BRD8: variants seen among roughly 807,000 people sequenced by gnomAD.
The protein encoded by BRD8 is bromodomain-containing protein 8.
In BRD8, 67 loss-of-function variants were observed where a neutral mutation model predicts 143.1. That is an observed-to-expected ratio of 0.47 (90% CI 0.38 to 0.57). The LOEUF (loss-of-function observed/expected upper bound fraction) is 0.57. Among genes scored for constraint, BRD8 ranks in the 20% least tolerant of loss-of-function variants. The pLI is 0.00. For synonymous variants in BRD8, 505 were observed against 517.1 expected, an observed-to-expected ratio of 0.98 and a Z score of 0.32; for missense variants, 1,103 against 1,503.0, an observed-to-expected ratio of 0.73 and a Z score of 4.40.
Position 138,178,606 on chromosome 5 carries a change from C to T in BRD8, c.9G>A (p.Thr3=). Residue 3 remains threonine (T), a synonymous_variant, in exon 1 of 27, where the codon ACG becomes ACA. Coordinates refer to ENST00000254900, the MANE Select transcript of BRD8 (RefSeq NM_139199.2). MA[T]GTGKHKLLST... is the part of the protein sequence containing the mutation. ...TGCTCAGATACTCACTGCCCGTTCC[C>T]GTCGCCATCTTGGCCCCGAAGTCTC... The T allele has an allele frequency of 6.2e-7, 1 of 1,613,874 alleles. No individual in the cohort carries two copies. Among genetic ancestry groups the T allele is most frequent in the Non-Finnish European group, 8.5e-7 (1 of 1,179,830 alleles).
chr5:138,168,038 T>C lies in BRD8; in HGVS notation c.683A>G (p.Asn228Ser). 7 of 1,613,552 alleles carry C rather than the reference T, an allele frequency of 4.3e-6. No homozygotes were observed. The highest frequency in any genetic ancestry group is 5.9e-6 in the Non-Finnish European group (7 of 1,179,602). Residue 228 changes from asparagine (N) to serine (S), a missense_variant, in exon 9 of 27, where the codon AAC (asparagine) becomes AGC (serine). This residue lies in a region of BRD8 where 334 missense variants were observed against 372.5 expected (regional missense o/e 0.90). Transcript: ENST00000254900. ...SEMAVASGHLNSTGVLLEVGG... is the reference protein window; with the variant it reads ...SEMAVASGHLSSTGVLLEVGG... ...TACCTCCAGGAGGACACCTGTACTGTTCAGGTGGCCAGAAGCCACAGCCAT... is the reference window on the plus strand; with the variant it reads ...TACCTCCAGGAGGACACCTGTACTGCTCAGGTGGCCAGAAGCCACAGCCAT...
Position 138,139,888 on chromosome 5 carries a change from C to A in BRD8, c.*186G>T. 1 of 546,846 alleles carries A rather than the reference C, an allele frequency of 1.8e-6. No individual in the cohort carries two copies. The highest frequency in any genetic ancestry group is 2.9e-5 in the East Asian group (1 of 34,442). 33.9% of individuals were successfully genotyped at this position (546,846 alleles called of 1,614,324 possible). On this transcript the variant is annotated 3_prime_UTR_variant, in exon 27 of 27. Transcript: ENST00000254900. Reference sequence around the variant, plus strand: ...CAACATTTATGGCATAAATCCAAACCTCAGCTTCCCCTTTTTTTCTTTATA... The same window carrying A: ...CAACATTTATGGCATAAATCCAAACATCAGCTTCCCCTTTTTTTCTTTATA...
chr5:138,152,905 G>T, intron 20 of BRD8, 145 bp from the exon 21 acceptor site: 2 of 864,712 alleles, frequency 2.3e-6, no homozygotes, highest in Non-Finnish European at 3.5e-6. Context: ...TTAAAATCTT[G>T]CTGAAGGGAG....
intron 19 of BRD8, among the ~76,000 whole-genome samples, 169 bp downstream of exon 19, chr5:138,159,900 C>G (rs552870994): frequency 6.6e-6 from 1 of 152,304 alleles, no homozygotes; most frequent in East Asian, 1.9e-4. Context: ...TTACAATAGG[C>G]TTATTCAACG....
At chr5:138,175,788 C>T (rs1030216531) in intron 2 of BRD8, among the ~76,000 whole-genome samples, 21 of 151,002 alleles carry the variant, frequency 1.4e-4, no homozygotes, top group African/African-American at 5.1e-4. Context: ...ATGGCATGTG[C>T]CTGTAGTCCC....
intron 1 of BRD8, 144 bp downstream of exon 1, chr5:138,178,452 C>T: frequency 1.2e-6 from 1 of 802,504 alleles, no homozygotes; most frequent in Non-Finnish European, 2.2e-6. Context: ...CGTTGGTCTT[C>T]ACGATGCTGT....
chr5:138,163,493 T>A, intron 14 of BRD8, 149 bp from the exon 15 acceptor site: 1 of 1,352,972 alleles, frequency 7.4e-7, no homozygotes, highest in Middle Eastern at 1.8e-4. Flanking sequence ...TATACTACCA[T>A]CTACTTACAG....
chr5:138,146,707 G>A (rs933631313), intron 23 of BRD8, among the ~76,000 whole-genome samples: 55 of 152,204 alleles, frequency 3.6e-4, no homozygotes, highest in Non-Finnish European at 6.6e-4. Flanking sequence ...GGTGGCTCAC[G>A]CCTGTAATCC....
chr5:138,150,907 A>G lies in BRD8; in HGVS notation c.2958T>C (p.Ala986=). 1 of 1,614,176 alleles carries G rather than the reference A, an allele frequency of 6.2e-7. No homozygotes were observed. The highest frequency in any genetic ancestry group is 8.5e-7 in the Non-Finnish European group (1 of 1,180,018). The change falls in exon 22 of 27, where the codon GCT becomes GCC. Residue 986 remains alanine, a synonymous_variant. Transcript: ENST00000254900. ...GTRQEGREIK[A]SEGERELCRE... ...TGCAGAGCTCCCTTTCTCCTTCGCT[A>G]GCTTTAATTTCCCTTCCTTCTTGTC...
At chr5:138,145,281 C>G in intron 24 of BRD8, 36 bp from the exon 25 acceptor site, 4 of 1,593,092 alleles carry the variant, frequency 2.5e-6, no homozygotes, top group Non-Finnish European at 3.4e-6. Flanking sequence ...ATAAAGAAAC[C>G]CTGGCAAGGC....
chr5:138,156,755 T>C (rs1752620946), intron 20 of BRD8: 1 of 861,598 alleles, frequency 1.2e-6, no homozygotes, highest in African/African-American at 1.8e-5. Context: ...AAGCAGTTCA[T>C]AAGACTTTTC....
intron 5 of BRD8, 53 bp from the exon 6 acceptor site, chr5:138,170,965 A>G (rs1402928472): frequency 6.2e-7 from 1 of 1,612,840 alleles, no homozygotes; most frequent in African/African-American, 1.3e-5. Context: ...TGCTATTTTA[A>G]AAGTTCTGAC....
At chr5:138,174,156 TTGTGTGTGTG>T (rs56254005) in intron 2 of BRD8, among the ~76,000 whole-genome samples, 3 of 149,494 alleles carry the variant, frequency 2.0e-5, no homozygotes, top group Non-Finnish European at 4.5e-5. Flanking sequence ...CAGTATTCCA[TTGTGTGTGTG>T]TGTGTGTGTG....
chr5:138,157,339 TGG>T, intron 20 of BRD8: 1 of 1,594,744 alleles, frequency 6.3e-7, no homozygotes, highest in Non-Finnish European at 8.6e-7. Flanking sequence ...ACAGAAAAGT[TGG>T]GGATTTGGTT....
chr5:138,154,530 C>T (rs1407951478), intron 20 of BRD8, among the ~76,000 whole-genome samples: 1 of 152,048 alleles, frequency 6.6e-6, no homozygotes, highest in African/African-American at 2.4e-5. Flanking sequence ...TTTTATTTTC[C>T]TTTCTTGTTT....
intron 23 of BRD8, among the ~76,000 whole-genome samples, chr5:138,148,111 A>G (rs1752227937): frequency 6.7e-6 from 1 of 149,382 alleles, no homozygotes; most frequent in Non-Finnish European, 1.5e-5. Flanking sequence ...AAGAAGAAGA[A>G]TTGTCTTGGA....
intron 11 of BRD8, 51 bp downstream of exon 11, chr5:138,165,777 G>T: frequency 1.4e-5 from 19 of 1,399,490 alleles, no homozygotes; most frequent in Non-Finnish European, 1.6e-5. Context: ...GCTGAAAAGA[G>T]AAGCCTATGT....
chr5:138,177,530 A>G, intron 2 of BRD8, 41 bp downstream of exon 2: 1 of 1,239,094 alleles, frequency 8.1e-7, no homozygotes. Context: ...GTATCTAACA[A>G]TTTCTAAGAC....
At chr5:138,144,266 C>T (rs927149242) in intron 25 of BRD8, among the ~76,000 whole-genome samples, 1 of 152,164 alleles carries the variant, frequency 6.6e-6, no homozygotes, top group African/African-American at 2.4e-5. Context: ...TGAAGGTCTG[C>T]AGCTTCACTC....
Sources: gnomAD v4.1 joint callset for allele counts (sites outside exome capture counted in the v4.1 genomes callset) on GRCh38, gnomAD v4.1.1 for gene constraint, gnomAD v4.1.1 regional missense constraint, MANE v1.5 for transcripts, NCBI Gene and HGNC (gene_info 2026-07-23, HGNC 2026-07-21) for gene names.